Variants in ASB3 observed in about 807,000 individuals in gnomAD.
The protein encoded by ASB3 is ankyrin repeat and SOCS box protein 3.
ASB3 carries 41 observed loss-of-function variants against 54.5 expected under a neutral mutation model. That is an observed-to-expected ratio of 0.75 (90% CI 0.59 to 0.98). The LOEUF (loss-of-function observed/expected upper bound fraction) is 0.98, where lower values mean the gene tolerates loss of function less well. ASB3 is among the 50% of genes least tolerant of loss of function. The pLI, the probability that ASB3 is intolerant of heterozygous loss-of-function variation, is 0.00. For synonymous variants in ASB3, 266 were observed against 221.2 expected, an observed-to-expected ratio of 1.20 and a Z score of -1.80; for missense variants, 733 against 620.0, an observed-to-expected ratio of 1.18 and a Z score of -1.94.
At chr2:53,719,706 G>T (rs138423995) in intron 5 of ASB3, among the ~76,000 whole-genome samples, 263 of 152,238 alleles carry the variant, frequency 1.7e-3, no homozygotes, top group African/African-American at 5.7e-3. Flanking sequence ...TACTTAGCCT[G>T]TAAGAGAAAG....
chr2:53,714,315 A>T (rs746103513), intron 7 of ASB3, 69 bp downstream of exon 7: 178 of 1,546,804 alleles, frequency 1.2e-4, no homozygotes, highest in Non-Finnish European at 1.4e-4. Flanking sequence ...CGTGAAAGAA[A>T]GTCACTTCAA....
At position 53,670,593 on chromosome 2, in the gene ASB3, T is replaced by C. The variant is rs753633045; in HGVS notation, c.1467A>G (p.Pro489=). The C allele has an allele frequency of 6.2e-7, 1 of 1,614,034 alleles. No individual in the cohort carries two copies. The highest frequency in any genetic ancestry group is 8.5e-7 in the Non-Finnish European group (1 of 1,179,996). The part of the protein sequence containing the change: ...LRSDSYISQL[P]LPRSLHNYLL... ...AATAATTATGTAGGCTTCTGGGAAG[T>C]GGCAGCTGACTAATATAACTGTCAG... Residue 489 remains proline, a synonymous_variant, in exon 10 of 10, where the codon CCA becomes CCG. Coordinates refer to ENST00000263634, the MANE Select transcript of ASB3 (RefSeq NM_016115.5).
chr2:53,768,294 T>C (rs1673642270), intron 1 of ASB3: 2 of 402,218 alleles, frequency 5.0e-6, no homozygotes. Flanking sequence ...CGCACCAGGC[T>C]GAGTGCGGAG....
chr2:53,752,565 T>A lies in ASB3; in HGVS notation c.197-1624A>T, dbSNP rs373740082. Among the ~76,000 whole-genome samples the A allele has an allele frequency of 1.2e-4, 18 of 152,358 alleles. No homozygotes were observed. The South Asian group carries it at 2.1e-3, about 18-fold the overall frequency. ...CCACATTGATTTATTTCCCTTTCTGTGCACGTGTTAAGGCACGGAATTTTT... is the reference window on the plus strand; with the variant it reads ...CCACATTGATTTATTTCCCTTTCTGAGCACGTGTTAAGGCACGGAATTTTT... On this transcript the variant is annotated intron_variant, in intron 2 of 9. Coordinates refer to ENST00000263634, the MANE Select transcript of ASB3 (RefSeq NM_016115.5).
At chr2:53,695,536 T>C (rs1379602176) in intron 8 of ASB3, among the ~76,000 whole-genome samples, 1 of 152,142 alleles carries the variant, frequency 6.6e-6, no homozygotes, top group African/African-American at 2.4e-5. Flanking sequence ...ACTTTAGGTC[T>C]TACTGTGACC....
In ASB3 at chr2:53,723,631, T is replaced by A. The variant is rs534745022; in HGVS notation, c.604+5081A>T. The stretch of plus-strand genomic sequence containing the variant: ...AAAAGGGCACAAATAGCCAAAGCAA[T>A]ACCAAGCAAAAAGAATAAAGCTGGA... On this transcript the variant is annotated intron_variant, in intron 5 of 9. Coordinates refer to ENST00000263634, the MANE Select transcript of ASB3 (RefSeq NM_016115.5). 2.6e-5 allele frequency among the ~76,000 whole-genome samples: 4 copies of A among 152,220 alleles called. No homozygotes were observed. In the South Asian group the frequency reaches 8.3e-4, roughly 32 times the overall value.
intron 5 of ASB3, among the ~76,000 whole-genome samples, chr2:53,719,757 TA>T: frequency 6.6e-6 from 1 of 152,234 alleles, no homozygotes; most frequent in African/African-American, 2.4e-5. Flanking sequence ...TCTCAGGTTT[TA>T]TCTAAAGTAA....
intron 9 of ASB3, among the ~76,000 whole-genome samples, chr2:53,692,070 C>G (rs753909773): frequency 1.3e-5 from 2 of 152,138 alleles, no homozygotes; most frequent in East Asian, 3.9e-4. Flanking sequence ...GGCAGCATCC[C>G]TGGCCTCTAC....
intron 8 of ASB3, 111 bp from the exon 9 acceptor site, chr2:53,694,125 C>A: frequency 7.8e-7 from 1 of 1,275,378 alleles, no homozygotes; most frequent in Non-Finnish European, 1.1e-6. Context: ...GGAGGGCAGA[C>A]AGAAAACCAG....
chr2:53,670,614 G>A lies in ASB3; in HGVS notation c.1446C>T (p.Asp482=). ...SSLKSERLRS[D]SYISQLPLPR... ...GAAGTGGCAGCTGACTAATATAACT[G>A]TCAGACCGTAGACGTTCTGATTTTA... Residue 482 remains aspartate, a synonymous_variant, in exon 10 of 10, where the codon GAC becomes GAT. Coordinates refer to ENST00000263634, the MANE Select transcript of ASB3 (RefSeq NM_016115.5). 6.2e-7 allele frequency: 1 copy of A among 1,613,998 alleles called. No individual in the cohort carries two copies. The highest frequency in any genetic ancestry group is 1.1e-5 in the South Asian group (1 of 91,068).
chr2:53,672,819 C>T (rs1217998313), intron 9 of ASB3, among the ~76,000 whole-genome samples: 1 of 151,998 alleles, frequency 6.6e-6, no homozygotes, highest in African/African-American at 2.4e-5. Context: ...GGTTTTTTTG[C>T]TTTCAGTTGT....
chr2:53,670,811 G>C (rs759333093), intron 9 of ASB3, 121 bp from the exon 10 acceptor site: 2 of 1,161,370 alleles, frequency 1.7e-6, no homozygotes, highest in Non-Finnish European at 2.4e-6. Context: ...CTTGAAAGAA[G>C]ACTACTTTGA....
At chr2:53,674,753 C>T (rs764335125) in intron 9 of ASB3, among the ~76,000 whole-genome samples, 8 of 152,108 alleles carry the variant, frequency 5.3e-5, no homozygotes, top group South Asian at 2.1e-4. Context: ...TTGTCTTTCT[C>T]GTTGGTATCC....
At chr2:53,708,834 C>A (rs771005160) in intron 7 of ASB3, among the ~76,000 whole-genome samples, 9 of 152,290 alleles carry the variant, frequency 5.9e-5, no homozygotes, top group Non-Finnish European at 1.0e-4. Context: ...GTGGAAGAAA[C>A]TTCTAAGCAG....
At chr2:53,682,754 G>A (rs1418118919) in intron 9 of ASB3, among the ~76,000 whole-genome samples, 3 of 152,170 alleles carry the variant, frequency 2.0e-5, no homozygotes, top group Non-Finnish European at 4.4e-5. Context: ...TGGGATTACA[G>A]GTGTGAGCCA....
rs113591118 is a variant in ASB3, at chr2:53,719,648, C to G, written c.605-2905G>C. ...AACTTCTCCCCCACACATAAACACT[C>G]CAAGCTTGTGATAAGCCCCCTCACC... On this transcript the variant is annotated intron_variant, in intron 5 of 9. Transcript: ENST00000263634. 9.5e-3 allele frequency among the ~76,000 whole-genome samples: 1,446 copies of G among 152,028 alleles called. 31 individuals carry two copies. Among genetic ancestry groups the G allele is most frequent in the African/African-American group, 0.033 (1,368 of 41,448 alleles).
rs968686095 is a variant in ASB3, at chr2:53,716,473, G to C, written c.782+93C>G. ...GATTGGTAGGGAAGAGAATATCAAA[G>C]ACTTTGCCTAGAGGTGAAGGGTCTA... On this transcript the variant is annotated intron_variant, in intron 6 of 9. Transcript: ENST00000263634. 4 of 1,462,446 alleles carry C rather than the reference G, an allele frequency of 2.7e-6. No individual in the cohort carries two copies. In the African/African-American group the frequency reaches 5.7e-5, roughly 21 times the overall value. The allele number at this position is 1,462,446 out of a possible 1,614,324, so 90.6% of individuals were successfully genotyped here.
At chr2:53,687,535 T>C (rs1668693775) in intron 9 of ASB3, among the ~76,000 whole-genome samples, 1 of 152,218 alleles carries the variant, frequency 6.6e-6, no homozygotes. Context: ...AGAACTACTG[T>C]GAAGAATGGG....
In ASB3 at chr2:53,671,695, GTTGC is replaced by G. The variant is rs1558507550; in HGVS notation, c.1370-1009_1370-1006del. Among the ~76,000 whole-genome samples the G allele has an allele frequency of 1.4e-4, 20 of 145,992 alleles. 4 individuals are homozygous for G. Among genetic ancestry groups the G allele is most frequent in the South Asian group, 2.1e-4 (1 of 4,694 alleles). On this transcript the variant is annotated intron_variant, in intron 9 of 9. Transcript: ENST00000263634. ...AATTGCTTGAACCTGGGAGGCGGAGGTTGCAGTGAGCCGAGATCATGCCACTGCA... is the reference window on the plus strand; with the variant it reads ...AATTGCTTGAACCTGGGAGGCGGAGGAGTGAGCCGAGATCATGCCACTGCA...
Sources: allele counts gnomAD v4.1 joint callset (sites outside exome capture counted in the v4.1 genomes callset), GRCh38; gene constraint gnomAD v4.1.1; transcripts MANE v1.5; gene names NCBI Gene and HGNC (gene_info 2026-07-23, HGNC 2026-07-21).